Variants in VRK2 observed in about 807,000 individuals in gnomAD.
VRK2 encodes serine/threonine-protein kinase VRK2.
VRK2 carries 60 observed loss-of-function variants against 57.6 expected under a neutral mutation model. The ratio of observed to expected loss-of-function variants is 1.04; its 90% CI spans 0.85 to 1.29. The LOEUF (loss-of-function observed/expected upper bound fraction) is 1.29. Among genes scored for constraint, VRK2 ranks in the 50% most tolerant of loss-of-function variants. The probability of loss-of-function intolerance (pLI) is 0.00; values close to 1 mark genes in which losing one functional copy is unlikely to be tolerated. For synonymous variants in VRK2, 231 were observed against 199.2 expected, an observed-to-expected ratio of 1.16 and a Z score of -1.35; for missense variants, 705 against 588.1, an observed-to-expected ratio of 1.20 and a Z score of -2.06.
rs1206148395 is a variant in VRK2, at chr2:58,111,562, G to A, written c.544-11539G>A. Among the ~76,000 whole-genome samples, 5 of 151,886 alleles carry A rather than the reference G, an allele frequency of 3.3e-5. 1 individual carries two copies. Among genetic ancestry groups the A allele is most frequent in the Admixed American group, 3.3e-4 (5 of 15,284 alleles). On this transcript the variant is annotated intron_variant, in intron 7 of 12. Transcript: ENST00000340157. ...AGCCCAGGAGTTCAAGACCAGCCCA[G>A]GCAAAAAAGTGAGACCCCATCTCTA...
At position 57,981,814 on chromosome 2, in the gene VRK2, T is replaced by C. The variant is rs546807865; in HGVS notation, c.-438-43851T>C. On this transcript the variant is annotated intron_variant, in intron 1 of 15. Transcript: ENST00000417641. ...AGGCCATTTTACTGTGGTCCTTGGA[T>C]TGGGTTTCAACCTTCTTCTGCATGT... Among the ~76,000 whole-genome samples, 284 of 152,322 alleles carry C rather than the reference T, an allele frequency of 1.9e-3. 1 individual carries two copies. The highest frequency in any genetic ancestry group is 6.6e-3 in the African/African-American group (276 of 41,566).
intron 12 of VRK2, among the ~76,000 whole-genome samples, chr2:58,150,483 T>C (rs1682832473): frequency 6.6e-6 from 1 of 151,222 alleles, no homozygotes; most frequent in East Asian, 1.9e-4. Flanking sequence ...TTTGGTTTCT[T>C]TCTTTTTTTA....
chr2:58,115,174 A>G (rs1301014358), intron 7 of VRK2, among the ~76,000 whole-genome samples: 1 of 152,166 alleles, frequency 6.6e-6, no homozygotes, highest in Non-Finnish European at 1.5e-5. Flanking sequence ...ACTGCCATCA[A>G]TAAACCAAGT....
chr2:58,146,349 A>G lies in VRK2; in HGVS notation c.1057A>G (p.Asn353Asp), dbSNP rs768142185. 50 of 1,611,100 alleles carry G rather than the reference A, an allele frequency of 3.1e-5. No homozygotes were observed. The highest frequency in any genetic ancestry group is 4.2e-5 in the Non-Finnish European group (50 of 1,178,058). Residue 353 changes from asparagine (N) to aspartate (D), a missense_variant, in exon 12 of 13, where the codon AAC (asparagine) becomes GAC (aspartate). By Grantham distance (23) the Asn-to-Asp change is conservative. Transcript: ENST00000340157. ...ACAAAAGGCTGCAACAAAGCAAGTC[A>G]ACAAGGCACACAATAGGTTAATCGA... ...DSQKAATKQV[N>D]KAHNRLIEKK...
intron 1 of VRK2, among the ~76,000 whole-genome samples, chr2:57,954,768 A>G (rs1003222332): frequency 6.6e-6 from 1 of 152,040 alleles, no homozygotes; most frequent in Non-Finnish European, 1.5e-5. Flanking sequence ...CTTGAAATGT[A>G]TCTCAATATG....
At chr2:58,126,340 G>C (rs1678344768) in intron 8 of VRK2, among the ~76,000 whole-genome samples, 1 of 152,028 alleles carries the variant, frequency 6.6e-6, no homozygotes, top group East Asian at 1.9e-4. Flanking sequence ...GCTACTTTTT[G>C]TAGCAGGTTA....
intron 7 of VRK2, among the ~76,000 whole-genome samples, chr2:58,099,940 C>G (rs944871841): frequency 1.3e-5 from 2 of 152,150 alleles, no homozygotes; most frequent in East Asian, 3.9e-4. Context: ...TCTCCAAATA[C>G]TTAAAGCTCA....
chr2:57,995,361 A>C (rs1672892426), intron 1 of VRK2, among the ~76,000 whole-genome samples: 1 of 152,236 alleles, frequency 6.6e-6, no homozygotes, highest in Admixed American at 6.5e-5. Context: ...ACTATTGAGA[A>C]GCTGTCAAGC....
intron 5 of VRK2, 118 bp from the exon 6 acceptor site, chr2:58,088,223 T>G: frequency 1.4e-6 from 1 of 702,856 alleles, no homozygotes; most frequent in South Asian, 1.8e-5. Context: ...TCTAATGGTT[T>G]AGATTGCATT....
At position 58,139,671 on chromosome 2, in the gene VRK2, A is replaced by G. The variant is rs374086826; in HGVS notation, c.862A>G (p.Ile288Val). Residue 288 changes from isoleucine (I) to valine (V), a missense_variant, in exon 11 of 13, where the codon ATA becomes GTA. Coordinates refer to ENST00000340157, the MANE Select transcript of VRK2 (RefSeq NM_006296.7). ...WAPSGSSCCE[I>V]AQFLVCAHSL... ...AAAAATTTAATAATTCACAGGTGAA[A>G]TAGCCCAATTTTTGGTATGTGCTCA... 15 of 1,610,544 alleles carry G rather than the reference A, an allele frequency of 9.3e-6. No individual in the cohort carries two copies. The African/African-American group carries it at 9.4e-5, about 10-fold the overall frequency.
chr2:57,916,784 C>G (rs915062355), intron 1 of VRK2, among the ~76,000 whole-genome samples: 1 of 152,106 alleles, frequency 6.6e-6, no homozygotes, highest in Non-Finnish European at 1.5e-5. Context: ...TGTGGAGTGA[C>G]TGTCTGGCTC....
chr2:57,932,092 A>G (rs1411503400), intron 1 of VRK2, among the ~76,000 whole-genome samples: 1 of 152,090 alleles, frequency 6.6e-6, no homozygotes, highest in Non-Finnish European at 1.5e-5. Context: ...TAAGATTGCT[A>G]TAGCTATTTA....
intron 1 of VRK2, among the ~76,000 whole-genome samples, chr2:57,970,187 TAAC>T (rs933541991): frequency 5.4e-5 from 8 of 148,348 alleles, no homozygotes; most frequent in African/African-American, 1.5e-4. Context: ...ATAAATAATA[TAAC>T]ATTATTAATA....
chr2:58,156,986 A>G (rs528839377), intron 12 of VRK2, among the ~76,000 whole-genome samples: 1 of 152,276 alleles, frequency 6.6e-6, no homozygotes, highest in African/African-American at 2.4e-5. Flanking sequence ...TTTTGAGGTT[A>G]GTTCTGGCAG....
chr2:57,999,017 A>G (rs1673007988), intron 1 of VRK2, among the ~76,000 whole-genome samples: 1 of 152,144 alleles, frequency 6.6e-6, no homozygotes, highest in Admixed American at 6.5e-5. Context: ...ATTAATAAAT[A>G]TGAAAAAATT....
At chr2:58,129,598 T>C (rs1452603181) in intron 8 of VRK2, among the ~76,000 whole-genome samples, 1 of 152,234 alleles carries the variant, frequency 6.6e-6, no homozygotes, top group Admixed American at 6.5e-5. Flanking sequence ...CATACATAGA[T>C]TTTAATATTG....
intron 1 of VRK2, among the ~76,000 whole-genome samples, chr2:57,948,729 G>C (rs1012773584): frequency 6.6e-6 from 1 of 152,012 alleles, no homozygotes. Flanking sequence ...GGTAAGGTGA[G>C]GATCAAAGAG....
chr2:58,023,587 A>T (rs1673830095), intron 1 of VRK2, among the ~76,000 whole-genome samples: 1 of 152,222 alleles, frequency 6.6e-6, no homozygotes, highest in Admixed American at 6.5e-5. Context: ...CCCTCTGCCT[A>T]AAAATTGCTA....
At chr2:58,094,948 T>A (rs1672911030) in intron 7 of VRK2, among the ~76,000 whole-genome samples, 1 of 152,196 alleles carries the variant, frequency 6.6e-6, no homozygotes, top group South Asian at 2.1e-4. Context: ...TTTTCAGTGT[T>A]ATCTTAGCTA....
Sources: gnomAD v4.1 joint callset for allele counts (sites outside exome capture counted in the v4.1 genomes callset) on GRCh38, gnomAD v4.1.1 for gene constraint, MANE v1.5 for transcripts, NCBI Gene and HGNC (gene_info 2026-07-23, HGNC 2026-07-21) for gene names.